Variants in PPFIBP2 observed in about 807,000 individuals in gnomAD.
The protein encoded by PPFIBP2 is liprin-beta-2.
A neutral mutation model predicts 118.3 loss-of-function variants in PPFIBP2; 118 were observed. The observed-to-expected ratio is 1.00, with a 90% CI of 0.86 to 1.16. The LOEUF is 1.16. Among genes scored for constraint, PPFIBP2 ranks in the 50% most tolerant of loss-of-function variants. The pLI is 0.00. For missense variants in PPFIBP2, 1,195 were observed against 1,073.1 expected (o/e 1.11, Z -1.59); for synonymous variants, 414 against 397.4 (o/e 1.04, Z -0.50).
At chr11:7,544,969 C>G (rs1164711196) in intron 1 of PPFIBP2, among the ~76,000 whole-genome samples, 1 of 152,024 alleles carries the variant, frequency 6.6e-6, no homozygotes, top group African/African-American at 2.4e-5. Flanking sequence ...GATGCTGTGT[C>G]CCTGTGGGAG....
intron 5 of PPFIBP2, chr11:7,598,176 A>G (rs1168148393): frequency 5.7e-6 from 1 of 174,228 alleles, no homozygotes; most frequent in African/African-American, 2.4e-5. Context: ...CATTCAAATA[A>G]TGTCTTCTCC....
At chr11:7,518,921 T>G (rs1849484664) in intron 1 of PPFIBP2, among the ~76,000 whole-genome samples, 1 of 151,896 alleles carries the variant, frequency 6.6e-6, no homozygotes, top group Non-Finnish European at 1.5e-5. Context: ...TGCTGAGGGT[T>G]TGAAGGGGAA....
chr11:7,649,993 G>C (rs1041395335), intron 21 of PPFIBP2, among the ~76,000 whole-genome samples: 4 of 152,154 alleles, frequency 2.6e-5, no homozygotes, highest in Admixed American at 2.0e-4. Context: ...GAAGAGAAGA[G>C]ACAGAGGAGG....
At chr11:7,630,062 G>C (rs1283402648) in intron 10 of PPFIBP2, among the ~76,000 whole-genome samples, 1 of 152,218 alleles carries the variant, frequency 6.6e-6, no homozygotes, top group Non-Finnish European at 1.5e-5. Flanking sequence ...CATGCAAGCA[G>C]CATCAGGGTT....
chr11:7,643,348 G>T (rs557046542), intron 17 of PPFIBP2, among the ~76,000 whole-genome samples: 1 of 152,272 alleles, frequency 6.6e-6, no homozygotes, highest in South Asian at 2.1e-4. Flanking sequence ...TTGGGTCAGG[G>T]TATAAAAACT....
downstream of PPFIBP2, chr11:7,655,444 G>T: frequency 3.1e-6 from 4 of 1,289,748 alleles, no homozygotes; most frequent in Non-Finnish European, 4.0e-6. Flanking sequence ...TGGCACCTTC[G>T]GAAGGTACCG....
At chr11:7,663,237 T>C in the PPFIBP2 span, among the ~76,000 whole-genome samples, 3 of 136,644 alleles carry the variant, frequency 2.2e-5, no homozygotes, top group Admixed American at 7.4e-5. Context: ...CTTTTTAGAG[T>C]TTCCAGTTTT....
Position 7,648,515 on chromosome 11 carries a change from C to G in PPFIBP2, c.1775C>G (p.Ala592Gly). 6.2e-7 allele frequency: 1 copy of G among 1,614,072 alleles called. No homozygotes were observed. ...TCTTCTGGCCACACCTTATTGACAG[C>G]CACCCCTCAGGACATGGAAAAGGTA... ...WVSSGHTLLT[A>G]TPQDMEKELG... is the part of the protein sequence containing the mutation. The change falls in exon 18 of 24, where the codon GCC becomes GGC. Residue 592 changes from alanine to glycine, a missense_variant. Ala to Gly is a moderately conservative substitution (Grantham distance 60). Coordinates refer to ENST00000299492, the MANE Select transcript of PPFIBP2 (RefSeq NM_003621.5).
Position 7,565,741 on chromosome 11 carries a change from A to C in PPFIBP2, c.253A>C (p.Ile85Leu), listed in dbSNP as rs1316065489. 2.5e-6 allele frequency: 4 copies of C among 1,614,162 alleles called. No homozygotes were observed. Among genetic ancestry groups the C allele is most frequent in the Non-Finnish European group, 3.4e-6 (4 of 1,180,016 alleles). Residue 85 changes from isoleucine (I) to leucine (L), a missense_variant, in exon 3 of 24, where the codon ATA (isoleucine) becomes CTA (leucine). Physicochemically the swap from Ile to Leu is conservative, Grantham distance 5. Transcript: ENST00000299492. ...GATCCCTGGCCCAACAGCTGCCTAC[A>C]TAAAGGAATGGTTTGAAGAGAGCTT... ...SQIPGPTAAY[I>L]KEWFEESLSQ...
At chr11:7,583,079 C>T (rs1356912695) in intron 3 of PPFIBP2, among the ~76,000 whole-genome samples, 1 of 152,194 alleles carries the variant, frequency 6.6e-6, no homozygotes, top group Non-Finnish European at 1.5e-5. Context: ...TGTTAGCCTG[C>T]TCGTTCATCT....
At chr11:7,579,816 C>A (rs1050891095) in intron 3 of PPFIBP2, among the ~76,000 whole-genome samples, 2 of 152,114 alleles carry the variant, frequency 1.3e-5, no homozygotes, top group Admixed American at 6.5e-5. Context: ...AGATATTTTT[C>A]TTCTACTTTT....
chr11:7,526,657 G>A (rs1032144766), intron 1 of PPFIBP2, among the ~76,000 whole-genome samples: 3 of 152,104 alleles, frequency 2.0e-5, no homozygotes, highest in African/African-American at 7.2e-5. Context: ...CAGATCACGA[G>A]GTCAGGAGAT....
In PPFIBP2 at chr11:7,576,522, C is replaced by T. The variant is rs111871409; in HGVS notation, c.279+10755C>T. 4.6e-3 allele frequency: 702 copies of T among 152,540 alleles called. 8 individuals carry two copies. The highest frequency in any genetic ancestry group is 0.016 in the African/African-American group (682 of 41,570). 9.4% of individuals were successfully genotyped at this position (152,540 alleles called of 1,614,324 possible). The stretch of plus-strand genomic sequence containing the variant: ...GAAAACAGCTGCAGCTCCAGGTCTC[C>T]GCCAGCCTTTCCAAGGCCCCTGTCT... On this transcript the variant is annotated intron_variant, in intron 3 of 23. Transcript: ENST00000299492.
chr11:7,638,092 T>G (rs1851679772), intron 14 of PPFIBP2, among the ~76,000 whole-genome samples: 2 of 152,214 alleles, frequency 1.3e-5, no homozygotes, highest in Non-Finnish European at 2.9e-5. Context: ...TCACAGTCAG[T>G]GGTTCCTGGG....
chr11:7,572,897 A>G (rs1855811368), intron 3 of PPFIBP2, among the ~76,000 whole-genome samples: 1 of 152,120 alleles, frequency 6.6e-6, no homozygotes, highest in South Asian at 2.1e-4. Flanking sequence ...CTCCTGCCCC[A>G]GCCTCCCGAT....
At chr11:7,572,386 C>G (rs561271724) in intron 3 of PPFIBP2, among the ~76,000 whole-genome samples, 5 of 152,294 alleles carry the variant, frequency 3.3e-5, no homozygotes, top group South Asian at 4.2e-4. Flanking sequence ...TCCCTGCCCC[C>G]CAAAGTAAAT....
At chr11:7,589,103 G>A (rs1385355928) in intron 3 of PPFIBP2, among the ~76,000 whole-genome samples, 1 of 152,210 alleles carries the variant, frequency 6.6e-6, no homozygotes, top group African/African-American at 2.4e-5. Flanking sequence ...AGAACAGAGG[G>A]GGAGGAAGTT....
In PPFIBP2 at chr11:7,653,562, C is replaced by T. The variant is rs980731721; in HGVS notation, c.*344C>T. ...AGAGACCATGGACACTCCCACGAGG[C>T]TCAGCTCTCAGGCACCCCCTACACT... On this transcript the variant is annotated 3_prime_UTR_variant, in exon 24 of 24. Transcript: ENST00000299492. 4 of 1,311,620 alleles carry T rather than the reference C, an allele frequency of 3.0e-6. No homozygotes were observed. The Admixed American group carries it at 9.1e-5, about 30-fold the overall frequency. 81.2% of individuals were successfully genotyped at this position (1,311,620 alleles called of 1,614,324 possible). A position where few individuals can be genotyped will look rare whatever the true frequency, so the allele number is the denominator to read the frequency against.
At chr11:7,664,210 G>A in the PPFIBP2 span, among the ~76,000 whole-genome samples, 1 of 152,214 alleles carries the variant, frequency 6.6e-6, no homozygotes, top group Non-Finnish European at 1.5e-5. Context: ...TGGGGAAGGA[G>A]TCTGAATAGG....
Sources: allele counts gnomAD v4.1 joint callset (sites outside exome capture counted in the v4.1 genomes callset), GRCh38; gene constraint gnomAD v4.1.1; transcripts MANE v1.5; gene names NCBI Gene and HGNC (gene_info 2026-07-23, HGNC 2026-07-21).